The following PCDHA2 variants were observed in gnomAD, a reference collection of about 807,000 sequenced individuals.
PCDHA2 encodes protocadherin alpha-2.
Under a neutral mutation model 66.0 loss-of-function variants are expected in PCDHA2, and 58 were observed. That is an observed-to-expected ratio of 0.88 (90% confidence interval 0.71 to 1.09). The LOEUF is 1.09. Among genes scored for constraint, PCDHA2 ranks in the 50% least tolerant of loss-of-function variants. The pLI, the probability that PCDHA2 is intolerant of heterozygous loss-of-function variation, is 0.00. For synonymous variants in PCDHA2, 634 were observed against 554.0 expected, an observed-to-expected ratio of 1.14 and a Z score of -2.03; for missense variants, 1,267 against 1,242.3, an observed-to-expected ratio of 1.02 and a Z score of -0.30.
intron 1 of PCDHA2, chr5:140,813,516 A>C (rs1428913887): frequency 3.3e-5 from 5 of 152,222 alleles, no homozygotes; most frequent in African/African-American, 9.6e-5. Context: ...AACATTGTAC[A>C]GATTTTTAAA....
rs1362509837 is a variant in PCDHA2, at chr5:140,884,388, T to A, written c.2388+87036T>A. On this transcript the variant is annotated intron_variant, in intron 1 of 3. Transcript: ENST00000526136. ...TACTTGATCATTGCCATCTGCGCGG[T>A]GTCCAGCCTGTTGGTGCTCACGTTG... 3 of 1,613,960 alleles carry A rather than the reference T, an allele frequency of 1.9e-6. No individual in the cohort carries two copies. In the Admixed American group the frequency reaches 5.0e-5, roughly 27 times the overall value.
At chr5:140,855,112 C>T (rs2043341257) in intron 1 of PCDHA2, among the ~76,000 whole-genome samples, 1 of 149,738 alleles carries the variant, frequency 6.7e-6, no homozygotes, top group South Asian at 2.1e-4. Flanking sequence ...ATAATTAAGG[C>T]ATTCTATAGG....
At chr5:140,967,425 C>T in intron 1 of PCDHA2, 1 of 1,613,294 alleles carries the variant, frequency 6.2e-7, no homozygotes, top group Non-Finnish European at 8.5e-7. Flanking sequence ...CGGGAGCAGG[C>T]AGCCTTGCAC....
At chr5:140,802,120 T>C (rs924147913) in intron 1 of PCDHA2, 5 of 1,614,054 alleles carry the variant, frequency 3.1e-6, no homozygotes, top group Admixed American at 1.7e-5. Context: ...AAGGGTAACA[T>C]AGATTTCGAG....
intron 1 of PCDHA2, chr5:140,861,500 C>A: frequency 6.2e-6 from 3 of 482,022 alleles, no homozygotes; most frequent in South Asian, 1.6e-5. Flanking sequence ...CTCTGATAGA[C>A]CTCGAGGAGC....
In PCDHA2 at chr5:140,850,319, A is replaced by T. The variant is rs1407979146; in HGVS notation, c.2388+52967A>T. On this transcript the variant is annotated intron_variant, in intron 1 of 3. Transcript: ENST00000526136. ...ACTCGGGCTACAACGCGTGGCTTTC[A>T]TACGAGCTGCAGCCAGAAACGGCCA... 3.1e-6 allele frequency: 5 copies of T among 1,597,446 alleles called. No individual in the cohort carries two copies. In the African/African-American group the frequency reaches 6.7e-5, roughly 21 times the overall value.
intron 1 of PCDHA2, among the ~76,000 whole-genome samples, chr5:140,939,948 A>C (rs2153644220): frequency 6.6e-6 from 1 of 152,296 alleles, no homozygotes; most frequent in Admixed American, 6.5e-5. Context: ...TACTGAGAAA[A>C]TTATGTTAAA....
intron 1 of PCDHA2, chr5:140,828,472 C>T (rs1554131328): frequency 1.9e-6 from 3 of 1,614,216 alleles, no homozygotes; most frequent in African/African-American, 1.3e-5. Flanking sequence ...GGGACATTAA[C>T]GACAACCCGC....
intron 1 of PCDHA2, chr5:140,836,620 G>A (rs782384217): frequency 5.6e-6 from 9 of 1,613,468 alleles, no homozygotes; most frequent in Non-Finnish European, 7.6e-6. Flanking sequence ...AGCGCGGTGG[G>A]GAGCTGGTCA....
Position 141,010,042 on chromosome 5 carries a change from T to C in PCDHA2, c.*105T>C. 6.3e-7 allele frequency: 1 copy of C among 1,594,374 alleles called. No homozygotes were observed. The highest frequency in any genetic ancestry group is 8.5e-7 in the Non-Finnish European group (1 of 1,171,086). ...TTTTTCCTATCTACATGAGCCCTCT[T>C]AGAGACCTCAGAAATCTGCAGAAAG... On this transcript the variant is annotated 3_prime_UTR_variant, in exon 4 of 4. Transcript: ENST00000526136.
At chr5:140,869,682 A>AGG in intron 1 of PCDHA2, 3 of 1,613,466 alleles carry the variant, frequency 1.9e-6, no homozygotes, top group Non-Finnish European at 2.5e-6. Context: ...AAAGACTGTC[A>AGG]CTTATTTTAA....
chr5:140,871,369 A>G, intron 1 of PCDHA2: 1 of 1,614,218 alleles, frequency 6.2e-7, no homozygotes. Context: ...GAGGCGGCAG[A>G]GGGTGTGCTC....
At chr5:140,863,233 C>T (rs2047882202) in intron 1 of PCDHA2, 3 of 1,240,302 alleles carry the variant, frequency 2.4e-6, no homozygotes, top group Non-Finnish European at 3.4e-6. Context: ...GGTCCCATCG[C>T]GGGCTTTGGC....
intron 1 of PCDHA2, chr5:140,853,757 T>G: frequency 1.0e-6 from 1 of 988,514 alleles, no homozygotes; most frequent in East Asian, 1.1e-4. Context: ...AGGCTCCACC[T>G]CAGAAATTCT....
At chr5:140,989,296 G>A (rs1587341853) in intron 3 of PCDHA2, among the ~76,000 whole-genome samples, 1 of 152,128 alleles carries the variant, frequency 6.6e-6, no homozygotes, top group South Asian at 2.1e-4. Context: ...TGTCACAAAG[G>A]GCCAAGGAAG....
chr5:140,966,934 G>T, intron 1 of PCDHA2: 1 of 1,604,080 alleles, frequency 6.2e-7, no homozygotes, highest in Non-Finnish European at 8.5e-7. Context: ...CACCCGGCGC[G>T]CTCGTGGGCA....
chr5:140,884,499 C>T (rs782667822), intron 1 of PCDHA2: 1 of 1,614,062 alleles, frequency 6.2e-7, no homozygotes, highest in South Asian at 1.1e-5. Flanking sequence ...TGCTCCAGCG[C>T]GGCAGGGAGT....
At chr5:140,968,640 C>T (rs2096260908) in intron 1 of PCDHA2, 1 of 1,614,038 alleles carries the variant, frequency 6.2e-7, no homozygotes, top group Admixed American at 1.7e-5. Context: ...TACCATCTAG[C>T]CCAGACTTCT....
intron 1 of PCDHA2, chr5:140,870,875 C>A (rs1235290760): frequency 6.2e-7 from 1 of 1,613,912 alleles, no homozygotes; most frequent in Non-Finnish European, 8.5e-7. Flanking sequence ...CACGTGGTGG[C>A]GAAGGTGCGC....
Sources: gnomAD v4.1 joint callset for allele counts (sites outside exome capture counted in the v4.1 genomes callset) on GRCh38, gnomAD v4.1.1 for gene constraint, MANE v1.5 for transcripts, NCBI Gene and HGNC (gene_info 2026-07-23, HGNC 2026-07-21) for gene names.